Variants in ACYP2 observed in about 807,000 individuals in gnomAD.
ACYP2 encodes the protein acylphosphatase-2.
In ACYP2, 12 loss-of-function variants were observed where a neutral mutation model predicts 11.2. The ratio of observed to expected loss-of-function variants is 1.08; its 90% confidence interval spans 0.69 to 1.74. The LOEUF (loss-of-function observed/expected upper bound fraction) is 1.74, where lower values mean the gene tolerates loss of function less well. ACYP2 is among the 40% of genes most tolerant of loss of function. The pLI, the probability that ACYP2 is intolerant of heterozygous loss-of-function variation, is 0.00. For missense variants in ACYP2, 134 were observed against 101.9 expected (o/e 1.31, Z -1.35); for synonymous variants, 43 against 32.2 (o/e 1.33, Z -1.13).
intron 2 of ACYP2, among the ~76,000 whole-genome samples, chr2:54,037,644 G>T (rs1293272805): frequency 6.6e-6 from 1 of 152,146 alleles, no homozygotes; most frequent in African/African-American, 2.4e-5. Flanking sequence ...TTGGCCTCAA[G>T]TGATCCTCCC....
intron 6 of ACYP2, among the ~76,000 whole-genome samples, chr2:54,286,701 C>A (rs1276579793): frequency 6.6e-6 from 1 of 151,966 alleles, no homozygotes; most frequent in Non-Finnish European, 1.5e-5. Context: ...TAAATGAATT[C>A]TAATAAAAAT....
At chr2:53,998,891 G>C (rs546238800) in intron 2 of ACYP2, among the ~76,000 whole-genome samples, 12 of 152,254 alleles carry the variant, frequency 7.9e-5, no homozygotes, top group Admixed American at 1.3e-4. Context: ...ACGAATCCAG[G>C]CTGTTTCATT....
chr2:54,115,538 T>A, intron 4 of ACYP2, 77 bp from the exon 1 acceptor site: 1 of 1,507,768 alleles, frequency 6.6e-7, no homozygotes, highest in Non-Finnish European at 8.9e-7. Flanking sequence ...GCAGTCTCAT[T>A]TGCCGCTTCC....
At chr2:54,099,556 A>G (rs1678779024) in intron 4 of ACYP2, among the ~76,000 whole-genome samples, 1 of 152,120 alleles carries the variant, frequency 6.6e-6, no homozygotes, top group Admixed American at 6.5e-5. Flanking sequence ...TGCCTGGCTT[A>G]TTTTGTGCAA....
rs1026794490 is a variant in ACYP2, at chr2:54,058,067, C to T, written c.277+707C>T. ...ATGCTTTGAAAATTCAAGTATTGGT[C>T]CCTGAGGGAGGTAGGGCATATGAAG... On this transcript the variant is annotated intron_variant, in intron 4 of 6. Transcript: ENST00000607452. Among the ~76,000 whole-genome samples the T allele has an allele frequency of 3.3e-5, 5 of 152,102 alleles. No homozygotes were observed. The East Asian group carries it at 7.7e-4, about 23-fold the overall frequency.
chr2:54,218,765 A>G (rs972521847), intron 6 of ACYP2, among the ~76,000 whole-genome samples: 4 of 152,142 alleles, frequency 2.6e-5, no homozygotes, highest in African/African-American at 7.2e-5. Context: ...TTGAGATCAC[A>G]TGAGGCTTTT....
At chr2:54,181,097 T>C (rs1235739236) in intron 6 of ACYP2, among the ~76,000 whole-genome samples, 1 of 152,222 alleles carries the variant, frequency 6.6e-6, no homozygotes, top group African/African-American at 2.4e-5. Flanking sequence ...TCAAAACATA[T>C]TTATCAAGAA....
chr2:54,261,328 G>C (rs1368836903), intron 6 of ACYP2, among the ~76,000 whole-genome samples: 1 of 152,012 alleles, frequency 6.6e-6, no homozygotes, highest in African/African-American at 2.4e-5. Context: ...AACAAGGAGA[G>C]CTATATAAAA....
rs113761874 is a variant in ACYP2, at chr2:54,044,607, C to CAA, written c.63-6341_63-6340dup. Among the ~76,000 whole-genome samples, 9 of 143,616 alleles carry CAA rather than the reference C, an allele frequency of 6.3e-5. 1 individual carries two copies. The highest frequency in any genetic ancestry group is 4.9e-4 in the Admixed American group (7 of 14,426). The allele number at this position is 143,616 out of a possible 152,430, so 94.2% of individuals were successfully genotyped here. A position where few individuals can be genotyped will look rare whatever the true frequency, so the allele number is the denominator to read the frequency against. On this transcript the variant is annotated intron_variant, in intron 2 of 6. Transcript: ENST00000607452. ...GTCCCCCACTCCTGCCCGCCCCTCT[C>CAA]AAAAAAAAAAAGATCCTGGGAGGCA... is the stretch of plus-strand genomic sequence containing the variant.
chr2:54,267,212 T>C, intron 6 of ACYP2: 1 of 1,461,538 alleles, frequency 6.8e-7, no homozygotes, highest in Non-Finnish European at 9.2e-7. Flanking sequence ...TAGGGGCCTA[T>C]AAAAGTGCCT....
chr2:54,066,034 T>G (rs763862337), intron 4 of ACYP2: 1 of 152,274 alleles, frequency 6.6e-6, no homozygotes, highest in Non-Finnish European at 1.5e-5. Context: ...CTAATAAATA[T>G]GTATTTATAC....
At chr2:54,134,820 A>C (rs1421745566) in intron 4 of ACYP2, among the ~76,000 whole-genome samples, 1 of 152,176 alleles carries the variant, frequency 6.6e-6, no homozygotes, top group Non-Finnish European at 1.5e-5. Context: ...ATAGTGTAGA[A>C]CCCTCGATAT....
intron 2 of ACYP2, among the ~76,000 whole-genome samples, chr2:54,008,960 C>G (rs1673214606): frequency 6.6e-6 from 1 of 152,068 alleles, no homozygotes; most frequent in Non-Finnish European, 1.5e-5. Flanking sequence ...CGAGACCAGC[C>G]TGGCCAACAT....
intron 2 of ACYP2, among the ~76,000 whole-genome samples, chr2:54,044,415 C>T (rs1275053446): frequency 2.0e-5 from 3 of 150,272 alleles, no homozygotes; most frequent in Admixed American, 6.7e-5. Context: ...GGCAATATGG[C>T]GAACCCCCGT....
At chr2:54,067,388 A>C (rs1435792684) in intron 4 of ACYP2, among the ~76,000 whole-genome samples, 1 of 152,250 alleles carries the variant, frequency 6.6e-6, no homozygotes, top group Non-Finnish European at 1.5e-5. Context: ...CATCAGAAAT[A>C]AAATCAAGAT....
At chr2:54,220,888 T>C (rs11899551) in intron 6 of ACYP2, among the ~76,000 whole-genome samples, 36,296 of 152,162 alleles carry the variant, frequency 0.24, 4,531 homozygotes, top group East Asian at 0.39. Flanking sequence ...AGAAATAATT[T>C]ATTGCAGTTT....
chr2:54,144,985 G>A (rs1026203952), intron 6 of ACYP2, among the ~76,000 whole-genome samples: 3 of 151,972 alleles, frequency 2.0e-5, no homozygotes, highest in African/African-American at 7.2e-5. Flanking sequence ...AATAATGAAG[G>A]TGATTAGGCA....
At chr2:54,161,355 A>G (rs1682703266) in intron 6 of ACYP2, among the ~76,000 whole-genome samples, 1 of 152,156 alleles carries the variant, frequency 6.6e-6, no homozygotes, top group South Asian at 2.1e-4. Flanking sequence ...AATGATCTCA[A>G]GTGTTTCCAA....
At chr2:54,116,747 C>G (rs1259504442) in intron 4 of ACYP2, among the ~76,000 whole-genome samples, 1 of 152,122 alleles carries the variant, frequency 6.6e-6, no homozygotes, top group African/African-American at 2.4e-5. Context: ...CAACGGCACA[C>G]CTGAACAGGG....
Sources: allele counts gnomAD v4.1 joint callset (sites outside exome capture counted in the v4.1 genomes callset), GRCh38; gene constraint gnomAD v4.1.1; transcripts MANE v1.5; gene names NCBI Gene and HGNC (gene_info 2026-07-23, HGNC 2026-07-21).